The following MEGF11 variants were observed in gnomAD, a reference collection of about 807,000 sequenced individuals.
MEGF11 encodes multiple epidermal growth factor-like domains protein 11.
Under a neutral mutation model 146.6 loss-of-function variants are expected in MEGF11, and 126 were observed. The ratio of observed to expected loss-of-function variants is 0.86; its 90% confidence interval spans 0.74 to 1.00. MEGF11 has a LOEUF of 1.00. Ranked by LOEUF, MEGF11 falls within the 50% of genes least tolerant of loss-of-function variation. MEGF11 has a pLI of 0.00. For synonymous variants in MEGF11, 532 were observed against 583.4 expected, an observed-to-expected ratio of 0.91 and a Z score of 1.27; for missense variants, 1,509 against 1,521.2, an observed-to-expected ratio of 0.99 and a Z score of 0.13.
At chr15:66,117,344 C>T (rs1389903862) in intron 4 of MEGF11, among the ~76,000 whole-genome samples, 3 of 151,966 alleles carry the variant, frequency 2.0e-5, no homozygotes, top group African/African-American at 7.3e-5. Flanking sequence ...CCTGGTGGAC[C>T]GTCCTAGGGT....
At position 65,913,947 on chromosome 15, in the gene MEGF11, G is replaced by C. The variant is rs2078904583; in HGVS notation, c.2500C>G (p.Pro834Ala). The C allele has an allele frequency of 1.2e-6, 2 of 1,613,924 alleles. No individual in the cohort carries two copies. Among genetic ancestry groups the C allele is most frequent in the Non-Finnish European group, 1.7e-6 (2 of 1,179,862 alleles). Residue 834 changes from proline to alanine, a missense_variant, in exon 20 of 26, where the codon CCC becomes GCC. Coordinates refer to ENST00000395614, the MANE Select transcript of MEGF11 (RefSeq NM_001385028.1). The stretch of plus-strand genomic sequence containing the variant: ...AGTGCTGGGCTGATCTTGGTGTAGG[G>C]ATTCAGCTCCTCCATCATGAGGGCA... ...QAALMMEELN[P>A]YTKISPALGA...
chr15:65,934,560 G>A (rs1479217035), intron 10 of MEGF11, among the ~76,000 whole-genome samples: 1 of 152,120 alleles, frequency 6.6e-6, no homozygotes, highest in African/African-American at 2.4e-5. Context: ...CAAAAGTGAG[G>A]TCGTTTTGTA....
At chr15:66,124,383 T>C (rs2088225863) in intron 2 of MEGF11, among the ~76,000 whole-genome samples, 1 of 152,226 alleles carries the variant, frequency 6.6e-6, no homozygotes, top group South Asian at 2.1e-4. Context: ...AGAACATGCT[T>C]GGAAGCTGGT....
At chr15:65,929,006 A>C (rs1248468138) in intron 12 of MEGF11, among the ~76,000 whole-genome samples, 1 of 152,154 alleles carries the variant, frequency 6.6e-6, no homozygotes, top group Non-Finnish European at 1.5e-5. Flanking sequence ...TCATATACTT[A>C]ATTTTTCTTA....
intron 1 of MEGF11, among the ~76,000 whole-genome samples, chr15:66,244,087 AGTT>A (rs1437356440): frequency 1.3e-5 from 2 of 152,280 alleles, no homozygotes; most frequent in South Asian, 2.1e-4. Flanking sequence ...TGCTCTACAA[AGTT>A]GTTGTAAGAC....
At chr15:66,239,663 C>G (rs936776089) in intron 1 of MEGF11, among the ~76,000 whole-genome samples, 2 of 152,340 alleles carry the variant, frequency 1.3e-5, no homozygotes, top group African/African-American at 4.8e-5. Context: ...TCTGGCACAG[C>G]CTGCACTGCA....
At chr15:66,156,900 CT>C (rs2089779371) in intron 1 of MEGF11, among the ~76,000 whole-genome samples, 1 of 152,150 alleles carries the variant, frequency 6.6e-6, no homozygotes, top group African/African-American at 2.4e-5. Context: ...GCAGAACCCC[CT>C]AAACCCCAAC....
chr15:66,149,990 C>G (rs1395230681), intron 1 of MEGF11, among the ~76,000 whole-genome samples: 1 of 152,264 alleles, frequency 6.6e-6, no homozygotes, highest in Non-Finnish European at 1.5e-5. Flanking sequence ...CTGCTGGACC[C>G]CTCGAGCTGT....
intron 2 of MEGF11, among the ~76,000 whole-genome samples, chr15:66,127,628 G>T (rs757422947): frequency 6.6e-6 from 1 of 152,136 alleles, no homozygotes; most frequent in South Asian, 2.1e-4. Context: ...GGTTTAATTC[G>T]GTTTTTTCCT....
At position 66,009,241 on chromosome 15, in the gene MEGF11, G is replaced by GT. The variant is rs10540363; in HGVS notation, c.395-26754dup. Among the ~76,000 whole-genome samples the GT allele has an allele frequency of 6.4e-3, 922 of 142,996 alleles. 9 individuals carry two copies. Among genetic ancestry groups the GT allele is most frequent in the Middle Eastern group, 0.025 (7 of 280 alleles). The allele number at this position is 142,996 out of a possible 152,430, so 93.8% of individuals were successfully genotyped here. On this transcript the variant is annotated intron_variant, in intron 5 of 25. Transcript: ENST00000395614. ...TTGGTTAGAGAACACGTTAACCTAA[G>GT]TTTTTTTTTTTTTTTTTTTTTTTAA...
In MEGF11 at chr15:65,896,327, G is replaced by C. The variant is rs1389063297; in HGVS notation, c.*1607C>G. On this transcript the variant is annotated 3_prime_UTR_variant, in exon 26 of 26. Transcript: ENST00000395614. The stretch of plus-strand genomic sequence containing the variant: ...AATCTGCTTATGCCTTGAGTGATGT[G>C]GGAAGGGGAGATGTACTCATTTATT... The C allele has an allele frequency of 6.6e-6, 1 of 152,582 alleles. No individual in the cohort carries two copies. Among genetic ancestry groups the C allele is most frequent in the Non-Finnish European group, 1.5e-5 (1 of 68,046 alleles). The allele number at this position is 152,582 out of a possible 1,614,324, so 9.5% of individuals were successfully genotyped here.
intron 5 of MEGF11, among the ~76,000 whole-genome samples, chr15:66,092,063 A>G (rs1368101436): frequency 6.6e-6 from 1 of 152,230 alleles, no homozygotes; most frequent in Non-Finnish European, 1.5e-5. Context: ...AGGGACAAGG[A>G]GCATCATGGT....
intron 5 of MEGF11, among the ~76,000 whole-genome samples, chr15:66,057,853 C>T (rs964238024): frequency 6.6e-6 from 1 of 152,248 alleles, no homozygotes; most frequent in African/African-American, 2.4e-5. Context: ...GAACGAAAAC[C>T]CCCTTTCAGC....
chr15:66,241,474 C>T (rs993862867), intron 1 of MEGF11, among the ~76,000 whole-genome samples: 4 of 152,228 alleles, frequency 2.6e-5, no homozygotes, highest in Admixed American at 6.5e-5. Context: ...AAATGATATG[C>T]AAACACGAAT....
chr15:66,205,678 C>G (rs2091281697), intron 1 of MEGF11, among the ~76,000 whole-genome samples: 1 of 152,192 alleles, frequency 6.6e-6, no homozygotes, highest in Non-Finnish European at 1.5e-5. Context: ...TGAGGTGGAA[C>G]TCCTACCCGT....
chr15:66,010,200 C>CTTT (rs112970231), intron 5 of MEGF11, among the ~76,000 whole-genome samples: 3 of 137,532 alleles, frequency 2.2e-5, no homozygotes, highest in Admixed American at 7.4e-5. Flanking sequence ...CTCATAATTT[C>CTTT]TTTTTTTTTT....
At chr15:66,146,400 A>G (rs1013981476) in intron 1 of MEGF11, among the ~76,000 whole-genome samples, 3 of 152,212 alleles carry the variant, frequency 2.0e-5, no homozygotes, top group Admixed American at 1.3e-4. Context: ...GCAGACTACA[A>G]CTTTTAATTC....
chr15:66,184,932 T>G (rs1372204171), intron 1 of MEGF11, among the ~76,000 whole-genome samples: 1 of 152,072 alleles, frequency 6.6e-6, no homozygotes, highest in Non-Finnish European at 1.5e-5. Flanking sequence ...TAGAGCCATA[T>G]TCCTTTCCTT....
chr15:66,100,684 C>T (rs527421199), intron 4 of MEGF11, among the ~76,000 whole-genome samples: 109 of 152,242 alleles, frequency 7.2e-4, no homozygotes, highest in African/African-American at 2.6e-3. Flanking sequence ...GTCATTCATT[C>T]CTCTGAGCAG....
Sources: allele counts gnomAD v4.1 joint callset (sites outside exome capture counted in the v4.1 genomes callset), GRCh38; gene constraint gnomAD v4.1.1; transcripts MANE v1.5; gene names NCBI Gene and HGNC (gene_info 2026-07-23, HGNC 2026-07-21).